The following OPCML variants were observed in gnomAD, a reference collection of about 807,000 sequenced individuals.
OPCML encodes opioid binding protein/cell adhesion molecule like, also known as opioid-binding protein/cell adhesion molecule.
In OPCML, 13 loss-of-function variants were observed where a neutral mutation model predicts 37.8. That is an observed-to-expected ratio of 0.34 (90% confidence interval 0.22 to 0.55). The LOEUF (loss-of-function observed/expected upper bound fraction) is 0.55, where lower values mean the gene tolerates loss of function less well. OPCML is among the 20% of genes least tolerant of loss of function. OPCML has a pLI of 0.91. For synonymous variants in OPCML, 176 were observed against 168.8 expected, an observed-to-expected ratio of 1.04 and a Z score of -0.33; for missense variants, 341 against 435.6, an observed-to-expected ratio of 0.78 and a Z score of 1.93.
At chr11:132,458,489 A>G (rs575316658) in intron 4 of OPCML, among the ~76,000 whole-genome samples, 1 of 152,342 alleles carries the variant, frequency 6.6e-6, no homozygotes, top group African/African-American at 2.4e-5. Context: ...TAAAAGGAAT[A>G]AGAACTAATA....
chr11:133,326,295 G>A (rs1056230239), intron 1 of OPCML, among the ~76,000 whole-genome samples: 1 of 65,274 alleles, frequency 1.5e-5, no homozygotes, highest in African/African-American at 1.1e-4. Flanking sequence ...GTGGGTGTGT[G>A]TGGGGGTGTG....
intron 1 of OPCML, among the ~76,000 whole-genome samples, chr11:133,523,032 A>T (rs1011092121): frequency 6.6e-6 from 1 of 152,154 alleles, no homozygotes; most frequent in African/African-American, 2.4e-5. Flanking sequence ...GCGTCCAATT[A>T]GCGCTTTTCT....
chr11:133,226,119 C>T (rs912397860), intron 1 of OPCML, among the ~76,000 whole-genome samples: 1 of 152,172 alleles, frequency 6.6e-6, no homozygotes, highest in East Asian at 1.9e-4. Context: ...GATAATTAAG[C>T]GGGGATATAG....
At chr11:132,863,027 C>T (rs1401167665) in intron 2 of OPCML, among the ~76,000 whole-genome samples, 1 of 152,194 alleles carries the variant, frequency 6.6e-6, no homozygotes, top group African/African-American at 2.4e-5. Flanking sequence ...TCTCTGCATA[C>T]ACTGTATGCC....
intron 1 of OPCML, among the ~76,000 whole-genome samples, chr11:133,164,709 A>T (rs917253654): frequency 6.6e-6 from 1 of 152,232 alleles, no homozygotes; most frequent in Non-Finnish European, 1.5e-5. Context: ...CAATAATTCC[A>T]GGTGTAAGTT....
At chr11:132,607,627 C>G (rs769617585) in intron 3 of OPCML, among the ~76,000 whole-genome samples, 1 of 152,144 alleles carries the variant, frequency 6.6e-6, no homozygotes, top group African/African-American at 2.4e-5. Flanking sequence ...CACACAGTGG[C>G]TAGGGCATGG....
chr11:133,400,719 CT>C (rs1945384920), intron 1 of OPCML, among the ~76,000 whole-genome samples: 1 of 152,328 alleles, frequency 6.6e-6, no homozygotes, highest in South Asian at 2.1e-4. Flanking sequence ...TAGGAGCAGT[CT>C]CCAATTCTCT....
At chr11:132,537,372 G>A (rs1246754451) in intron 3 of OPCML, among the ~76,000 whole-genome samples, 1 of 152,150 alleles carries the variant, frequency 6.6e-6, no homozygotes, top group Admixed American at 6.5e-5. Flanking sequence ...TGAGACAAGT[G>A]GCTATCCCCT....
intron 1 of OPCML, among the ~76,000 whole-genome samples, chr11:133,482,048 G>A (rs770283029): frequency 2.6e-4 from 40 of 152,170 alleles, no homozygotes; most frequent in Non-Finnish European, 5.4e-4. Flanking sequence ...TAGAGGAATC[G>A]GAATCAGAGT....
chr11:132,977,803 C>A (rs1046892901), intron 1 of OPCML, among the ~76,000 whole-genome samples: 40 of 152,274 alleles, frequency 2.6e-4, no homozygotes, highest in African/African-American at 9.6e-4. Context: ...CTCTACACTG[C>A]TTAATGCTAT....
intron 1 of OPCML, among the ~76,000 whole-genome samples, chr11:133,044,530 C>T (rs371922283): frequency 4.6e-5 from 7 of 152,166 alleles, no homozygotes; most frequent in Admixed American, 1.3e-4. Context: ...AAAAAGAGGC[C>T]GAGGGCGAGC....
chr11:132,973,697 A>G (rs1341899658), intron 1 of OPCML, among the ~76,000 whole-genome samples: 1 of 152,226 alleles, frequency 6.6e-6, no homozygotes, highest in Non-Finnish European at 1.5e-5. Flanking sequence ...CTTCAGCCTT[A>G]TTCTACAATT....
At chr11:132,782,637 C>T (rs1320324367) in intron 2 of OPCML, among the ~76,000 whole-genome samples, 1 of 151,894 alleles carries the variant, frequency 6.6e-6, no homozygotes, top group Admixed American at 6.6e-5. Flanking sequence ...CAATTCTGCC[C>T]CAACTTCTCA....
rs57169966 is a variant in OPCML at position 132,450,582 on chromosome 11, G to GT, written c.506-13224dup. On this transcript the variant is annotated intron_variant, in intron 4 of 7. Coordinates refer to ENST00000524381, the MANE Select transcript of OPCML (RefSeq NM_001012393.5). ...CTCTACTTCCACTGGACTCTAGAGG[G>GT]TTTTTTTTTTTCAATTATAGAATAT... Among the ~76,000 whole-genome samples, 642 of 146,968 alleles carry GT rather than the reference G, an allele frequency of 4.4e-3. 8 individuals carry two copies. The highest frequency in any genetic ancestry group is 0.035 in the Middle Eastern group (10 of 288).
intron 3 of OPCML, among the ~76,000 whole-genome samples, chr11:132,633,298 G>A (rs1410228434): frequency 6.6e-6 from 1 of 152,002 alleles, no homozygotes; most frequent in Non-Finnish European, 1.5e-5. Flanking sequence ...TACCTCCTGG[G>A]TTCAAGTGAT....
chr11:133,017,506 T>G (rs1565399884), intron 1 of OPCML, among the ~76,000 whole-genome samples: 1 of 152,028 alleles, frequency 6.6e-6, no homozygotes, highest in Admixed American at 6.6e-5. Flanking sequence ...CAAGCAATTC[T>G]CCTGCCTCAG....
At chr11:132,634,940 G>A (rs1435166651) in intron 3 of OPCML, among the ~76,000 whole-genome samples, 1 of 151,836 alleles carries the variant, frequency 6.6e-6, no homozygotes, top group African/African-American at 2.4e-5. Flanking sequence ...AGAATATAAT[G>A]CCCTCTTACT....
At chr11:133,179,046 C>T (rs1937697153) in intron 1 of OPCML, among the ~76,000 whole-genome samples, 1 of 152,096 alleles carries the variant, frequency 6.6e-6, no homozygotes, top group Non-Finnish European at 1.5e-5. Context: ...TCTAGGCACC[C>T]ATTTCATTTA....
intron 1 of OPCML, among the ~76,000 whole-genome samples, chr11:133,419,968 C>G (rs944867533): frequency 6.6e-6 from 1 of 152,080 alleles, no homozygotes; most frequent in Non-Finnish European, 1.5e-5. Flanking sequence ...CAACCAACAC[C>G]CATGTCGGAA....
Sources: gnomAD v4.1 joint callset for allele counts (sites outside exome capture counted in the v4.1 genomes callset) on GRCh38, gnomAD v4.1.1 for gene constraint, MANE v1.5 for transcripts, NCBI Gene and HGNC (gene_info 2026-07-23, HGNC 2026-07-21) for gene names.